Variants in KIF13B observed in about 807,000 individuals in gnomAD.
KIF13B encodes kinesin family member 13B.
A neutral mutation model predicts 222.0 loss-of-function variants in KIF13B; 127 were observed. That is an observed-to-expected ratio of 0.57 (90% CI 0.50 to 0.66). The LOEUF is 0.66. Ranked by LOEUF, KIF13B falls within the 30% of genes least tolerant of loss-of-function variation. The pLI is 0.00. For synonymous variants in KIF13B, 976 were observed against 919.0 expected (o/e 1.06, Z -1.12); for missense variants, 2,173 against 2,379.0 (o/e 0.91, Z 1.80).
At chr8:29,168,263 C>T (rs1444990992) in intron 10 of KIF13B, among the ~76,000 whole-genome samples, 1 of 152,228 alleles carries the variant, frequency 6.6e-6, no homozygotes, top group Non-Finnish European at 1.5e-5. Context: ...CTGCTAAGTA[C>T]AGTGAAACGG....
chr8:29,192,906 A>T (rs1461965904), intron 3 of KIF13B, among the ~76,000 whole-genome samples: 3 of 151,060 alleles, frequency 2.0e-5, no homozygotes, highest in Non-Finnish European at 4.4e-5. Context: ...AATAGTTCCA[A>T]TGAAACTGAT....
Position 29,142,267 on chromosome 8 carries a change from T to C in KIF13B, c.2224A>G (p.Arg742Gly). The change falls in exon 19 of 40, where the codon AGA becomes GGA. Residue 742 changes from arginine (R) to glycine (G), a missense_variant. Arg to Gly is a moderately radical substitution (Grantham distance 125). Coordinates refer to ENST00000524189, the MANE Select transcript of KIF13B (RefSeq NM_015254.4). ...ATCTGCTTTCCTTTTCCTTTTCTTC[T>C]CACCTGGATTGCAGGCTCACTAAGA... Reference protein sequence around the residue: ...SLLSEPAIQVRRKGKGKQIWS... With the variant: ...SLLSEPAIQVGRKGKGKQIWS... The C allele has an allele frequency of 1.9e-6, 3 of 1,613,640 alleles. No individual in the cohort carries two copies. The highest frequency in any genetic ancestry group is 2.5e-6 in the Non-Finnish European group (3 of 1,179,736).
At chr8:29,203,355 T>C (rs905551885) in intron 2 of KIF13B, among the ~76,000 whole-genome samples, 3 of 152,216 alleles carry the variant, frequency 2.0e-5, no homozygotes, top group Non-Finnish European at 4.4e-5. Flanking sequence ...CTCCTATTCA[T>C]TTATTAAACT....
intron 14 of KIF13B, among the ~76,000 whole-genome samples, chr8:29,154,492 AG>A (rs1349795795): frequency 6.6e-6 from 1 of 152,176 alleles, no homozygotes; most frequent in East Asian, 1.9e-4. Flanking sequence ...TTAAGAACGC[AG>A]GGGTTCCACA....
Position 29,118,916 on chromosome 8 carries a change from T to C in KIF13B, c.3612A>G (p.Glu1204=). ...TCTGCAATTCAAAGAACTCCTCTTC[T>C]TCTTCCCCAGTCAAGGTCGCATCCC... ...GGWDATLTGE[E]EEEFFELQIV... Residue 1204 remains glutamate, a synonymous_variant, in exon 30 of 40, where the codon GAA becomes GAG. Coordinates refer to ENST00000524189, the MANE Select transcript of KIF13B (RefSeq NM_015254.4). 5 of 1,613,982 alleles carry C rather than the reference T, an allele frequency of 3.1e-6. No homozygotes were observed. The highest frequency in any genetic ancestry group is 4.2e-6 in the Non-Finnish European group (5 of 1,179,868).
intron 1 of KIF13B, among the ~76,000 whole-genome samples, chr8:29,257,219 CT>C: frequency 6.6e-6 from 1 of 152,174 alleles, no homozygotes. Flanking sequence ...CTAAAGATAT[CT>C]TTATCTCCTC....
rs1458456393 is a variant in KIF13B, at chr8:29,263,037, T to G, written c.-3A>C. 1.3e-6 allele frequency: 2 copies of G among 1,589,524 alleles called. No individual in the cohort carries two copies. The highest frequency in any genetic ancestry group is 1.4e-5 in the African/African-American group (1 of 72,886). ...ACTTTCACTTTGGAGTCCCCCATCC[T>G]GCAGCCGCCGAGGAACTCGTTCGGC... On this transcript the variant is annotated 5_prime_UTR_variant, in exon 1 of 40. Transcript: ENST00000524189.
chr8:29,261,795 C>G (rs1196478354), intron 1 of KIF13B, among the ~76,000 whole-genome samples: 1 of 141,826 alleles, frequency 7.1e-6, no homozygotes, highest in East Asian at 3.0e-4. Context: ...CAAAACAATT[C>G]CCATAGATGA....
chr8:29,124,605 C>T (rs1194471741), intron 26 of KIF13B, among the ~76,000 whole-genome samples: 1 of 151,908 alleles, frequency 6.6e-6, no homozygotes, highest in African/African-American at 2.4e-5. Context: ...AAAAATTGGC[C>T]AGGCGCAGTG....
At chr8:29,160,956 A>T in intron 12 of KIF13B, 89 bp from the exon 13 acceptor site, 3 of 1,101,492 alleles carry the variant, frequency 2.7e-6, no homozygotes, top group Non-Finnish European at 4.0e-6. Flanking sequence ...ACAATTATTC[A>T]ATAGTGTTGT....
chr8:29,151,068 A>G (rs1164219347), intron 14 of KIF13B, among the ~76,000 whole-genome samples: 4 of 152,190 alleles, frequency 2.6e-5, no homozygotes, highest in Non-Finnish European at 5.9e-5. Flanking sequence ...AAGGAAATTA[A>G]AGGTGCTTCT....
intron 1 of KIF13B, among the ~76,000 whole-genome samples, chr8:29,262,577 A>G (rs1359719723): frequency 6.6e-6 from 1 of 150,530 alleles, no homozygotes; most frequent in Non-Finnish European, 1.5e-5. Context: ...GGGGCTGGCG[A>G]CCCGCGCGCG....
At chr8:29,194,296 T>G (rs984362581) in intron 3 of KIF13B, among the ~76,000 whole-genome samples, 32 of 152,094 alleles carry the variant, frequency 2.1e-4, no homozygotes, top group African/African-American at 7.0e-4. Flanking sequence ...TTGGGTTTTT[T>G]TTTTTTTTTT....
At chr8:29,125,025 G>C (rs1413762714) in intron 26 of KIF13B, among the ~76,000 whole-genome samples, 4 of 152,176 alleles carry the variant, frequency 2.6e-5, no homozygotes, top group Admixed American at 2.6e-4. Flanking sequence ...ACTATGGTCT[G>C]GGTGGTAGAG....
chr8:29,211,186 G>A (rs1337302799), intron 2 of KIF13B, among the ~76,000 whole-genome samples: 1 of 152,266 alleles, frequency 6.6e-6, no homozygotes, highest in African/African-American at 2.4e-5. Flanking sequence ...AAGAACCTCG[G>A]AGAGGGCACT....
At chr8:29,200,788 C>T (rs1332371657) in intron 2 of KIF13B, among the ~76,000 whole-genome samples, 1 of 152,174 alleles carries the variant, frequency 6.6e-6, no homozygotes, top group Non-Finnish European at 1.5e-5. Context: ...GAGGACTGGC[C>T]ATTTATTTTG....
At chr8:29,243,078 G>A (rs868573467) in intron 2 of KIF13B, among the ~76,000 whole-genome samples, 3 of 152,180 alleles carry the variant, frequency 2.0e-5, no homozygotes, top group Admixed American at 6.5e-5. Flanking sequence ...CGGGTGTGGT[G>A]GCTCACGCCT....
intron 1 of KIF13B, among the ~76,000 whole-genome samples, chr8:29,249,430 TAAAAAAAA>T (rs770545452): frequency 8.4e-6 from 1 of 118,776 alleles, no homozygotes; most frequent in Non-Finnish European, 1.8e-5. Context: ...ACTCCGTCTT[TAAAAAAAA>T]AAAAAAAAAA....
At chr8:29,115,576 T>C (rs1235138727) in intron 31 of KIF13B, among the ~76,000 whole-genome samples, 3 of 152,142 alleles carry the variant, frequency 2.0e-5, no homozygotes. Context: ...GCCACCTGCC[T>C]CGGCCTCCCA....
Sources: allele counts gnomAD v4.1 joint callset (sites outside exome capture counted in the v4.1 genomes callset), GRCh38; gene constraint gnomAD v4.1.1; transcripts MANE v1.5; gene names NCBI Gene and HGNC (gene_info 2026-07-23, HGNC 2026-07-21).